ZNF804B: variants seen among roughly 807,000 people sequenced by gnomAD.
The protein encoded by ZNF804B is zinc finger protein 804B.
A neutral mutation model predicts 101.4 loss-of-function variants in ZNF804B; 80 were observed. That is an observed-to-expected ratio of 0.79 (90% CI 0.66 to 0.95). ZNF804B has a LOEUF of 0.95. Ranked by LOEUF, ZNF804B falls within the 40% of genes least tolerant of loss-of-function variation. The pLI is 0.00. For missense variants in ZNF804B, 1,673 were observed against 1,561.9 expected, an observed-to-expected ratio of 1.07 and a Z score of -1.20; for synonymous variants, 622 against 558.8, an observed-to-expected ratio of 1.11 and a Z score of -1.59.
intron 1 of ZNF804B, among the ~76,000 whole-genome samples, chr7:88,919,789 A>C (rs1347288843): frequency 6.6e-6 from 1 of 152,118 alleles, no homozygotes; most frequent in African/African-American, 2.4e-5. Flanking sequence ...TTAACAGCGT[A>C]AGTTCTGAGA....
chr7:88,955,372 A>G (rs1468351752), intron 1 of ZNF804B, among the ~76,000 whole-genome samples: 1 of 151,734 alleles, frequency 6.6e-6, no homozygotes, highest in Admixed American at 6.6e-5. Context: ...GGAGCTGAAT[A>G]TTATCCAGAA....
chr7:89,277,450 GTA>G (rs1271517413), intron 2 of ZNF804B, among the ~76,000 whole-genome samples: 1 of 117,688 alleles, frequency 8.5e-6, no homozygotes. Flanking sequence ...CTAGCATTAG[GTA>G]TATCTCCCAA....
chr7:88,898,749 T>C (rs1792346231), intron 1 of ZNF804B, among the ~76,000 whole-genome samples: 1 of 152,196 alleles, frequency 6.6e-6, no homozygotes, highest in Non-Finnish European at 1.5e-5. Context: ...CTGCCCTTTA[T>C]GTTGGTGCTG....
chr7:89,016,830 G>T (rs1356199500), intron 1 of ZNF804B, among the ~76,000 whole-genome samples: 1 of 152,064 alleles, frequency 6.6e-6, no homozygotes, highest in Non-Finnish European at 1.5e-5. Context: ...GCTCCTTTTT[G>T]GTTCCGTATG....
intron 2 of ZNF804B, among the ~76,000 whole-genome samples, chr7:89,321,295 A>G (rs952333871): frequency 9.2e-5 from 14 of 152,084 alleles, no homozygotes; most frequent in Non-Finnish European, 2.9e-5. Context: ...CCTGGCTAAC[A>G]AGATGAAACC....
At chr7:89,106,488 G>C (rs139296317) in intron 1 of ZNF804B, among the ~76,000 whole-genome samples, 5 of 152,222 alleles carry the variant, frequency 3.3e-5, no homozygotes, top group South Asian at 2.1e-4. Flanking sequence ...TTGATGGCTT[G>C]TGTAGAGAGA....
Position 89,082,378 on chromosome 7 carries a change from TG to T in ZNF804B, c.109-135776del, listed in dbSNP as rs542701751. On this transcript the variant is annotated intron_variant, in intron 1 of 3. Transcript: ENST00000333190. ...AAGCATTTCTTATCTGATATATTAG[TG>T]TTTTTTTATTATTTTTCTTACAAGC... Among the ~76,000 whole-genome samples, 8 of 151,812 alleles carry T rather than the reference TG, an allele frequency of 5.3e-5. No individual in the cohort carries two copies. The South Asian group carries it at 1.0e-3, about 20-fold the overall frequency.
At chr7:88,977,811 A>G (rs902123385) in intron 1 of ZNF804B, among the ~76,000 whole-genome samples, 1 of 151,092 alleles carries the variant, frequency 6.6e-6, no homozygotes, top group African/African-American at 2.4e-5. Context: ...GTTCTTTAAG[A>G]TGCATCATTA....
rs370497599 is a variant in ZNF804B at position 89,140,438 on chromosome 7, T to G, written c.109-77717T>G. On this transcript the variant is annotated intron_variant, in intron 1 of 3. Transcript: ENST00000333190. ...TATGAAAGTCCTAGTATTTCTTATC[T>G]TTATCCAATAAAAGGCAATAGAAGG... 3.7e-4 allele frequency among the ~76,000 whole-genome samples: 57 copies of G among 152,194 alleles called. No individual in the cohort carries two copies. In the South Asian group the frequency reaches 0.011, roughly 29 times the overall value.
At chr7:89,109,758 T>C (rs1385912996) in intron 1 of ZNF804B, among the ~76,000 whole-genome samples, 1 of 152,176 alleles carries the variant, frequency 6.6e-6, no homozygotes, top group Non-Finnish European at 1.5e-5. Flanking sequence ...TCTGACCTTC[T>C]ATTTTGTTAG....
chr7:89,066,235 T>C (rs551055877), intron 1 of ZNF804B, among the ~76,000 whole-genome samples: 117 of 130,306 alleles, frequency 9.0e-4, no homozygotes, highest in African/African-American at 3.0e-3. Flanking sequence ...ATTTTTAAGG[T>C]GTTGCTGGCT....
chr7:89,101,909 T>G (rs1436590677), intron 1 of ZNF804B, among the ~76,000 whole-genome samples: 1 of 151,916 alleles, frequency 6.6e-6, no homozygotes, highest in Non-Finnish European at 1.5e-5. Context: ...TCCATCTTTA[T>G]CTACATGTGT....
intron 1 of ZNF804B, among the ~76,000 whole-genome samples, chr7:88,842,101 A>G (rs933503707): frequency 4.6e-5 from 7 of 152,210 alleles, no homozygotes; most frequent in African/African-American, 1.2e-4. Flanking sequence ...TAAAATATTC[A>G]TATTCTGGTC....
At chr7:89,220,797 C>G (rs1788993810) in intron 2 of ZNF804B, among the ~76,000 whole-genome samples, 1 of 151,844 alleles carries the variant, frequency 6.6e-6, no homozygotes, top group Non-Finnish European at 1.5e-5. Context: ...GTTGGCATGT[C>G]TTGAAGTTTA....
intron 1 of ZNF804B, among the ~76,000 whole-genome samples, chr7:88,849,930 T>G (rs1286558710): frequency 6.6e-6 from 1 of 152,030 alleles, no homozygotes; most frequent in Non-Finnish European, 1.5e-5. Flanking sequence ...AAATTTGACC[T>G]CCTTCTGCCT....
chr7:89,276,659 A>G lies in ZNF804B; in HGVS notation c.250-50685A>G, dbSNP rs572449631. 9.2e-5 allele frequency among the ~76,000 whole-genome samples: 14 copies of G among 152,034 alleles called. 2 individuals carry two copies. The highest frequency in any genetic ancestry group is 2.7e-4 in the African/African-American group (11 of 41,368). On this transcript the variant is annotated intron_variant, in intron 2 of 3. Transcript: ENST00000333190. ...AAATCATAAAAAATTCAGTAAATGT[A>G]ATTGAGTTTTGCTTTCTTTGAAAGT...
At chr7:89,262,834 A>G (rs994793247) in intron 2 of ZNF804B, among the ~76,000 whole-genome samples, 12 of 152,214 alleles carry the variant, frequency 7.9e-5, no homozygotes, top group African/African-American at 2.9e-4. Flanking sequence ...TTATATAGGT[A>G]TAATATCTTC....
At chr7:88,795,478 T>TCTCCTATCAAAAAGTTTG (rs1395858437) in intron 1 of ZNF804B, among the ~76,000 whole-genome samples, 1 of 152,160 alleles carries the variant, frequency 6.6e-6, no homozygotes, top group Non-Finnish European at 1.5e-5. Context: ...TTTGGTTCTT[T>TCTCCTATCAAAAAGTTTG]GTTTTTTCTC....
intron 1 of ZNF804B, among the ~76,000 whole-genome samples, chr7:89,030,216 T>C (rs1183455431): frequency 1.3e-5 from 2 of 152,034 alleles, no homozygotes; most frequent in African/African-American, 2.4e-5. Flanking sequence ...CACTGACCAA[T>C]AGGAAGCTCA....
Sources: allele counts gnomAD v4.1 joint callset (sites outside exome capture counted in the v4.1 genomes callset), GRCh38; gene constraint gnomAD v4.1.1; transcripts MANE v1.5; gene names NCBI Gene and HGNC (gene_info 2026-07-23, HGNC 2026-07-21).